The following LRP1B variants were observed in gnomAD, a reference collection of about 807,000 sequenced individuals.
LRP1B encodes LDL receptor related protein 1B.
A neutral mutation model predicts 556.6 loss-of-function variants in LRP1B; 217 were observed. The observed-to-expected ratio is 0.39, with a 90% CI of 0.35 to 0.44. The LOEUF (loss-of-function observed/expected upper bound fraction) is 0.44. LRP1B is among the 20% of genes least tolerant of loss of function. The pLI is 1.00. For synonymous variants in LRP1B, 2,047 were observed against 1,865.8 expected (o/e 1.10, Z -2.50); for missense variants, 5,053 against 5,620.8 (o/e 0.90, Z 3.23).
chr2:140,761,219 T>C (rs1229875699), intron 35 of LRP1B, among the ~76,000 whole-genome samples: 1 of 152,206 alleles, frequency 6.6e-6, no homozygotes, highest in East Asian at 1.9e-4. Context: ...CATTATCACA[T>C]AGTTTAAGCC....
At chr2:140,563,190 C>CCACACACACAAA (rs1382451090) in intron 43 of LRP1B, among the ~76,000 whole-genome samples, 10 of 150,030 alleles carry the variant, frequency 6.7e-5, no homozygotes, top group African/African-American at 2.5e-4. Flanking sequence ...ACACACACAC[C>CCACACACACAAA]CACACACACA....
intron 6 of LRP1B, among the ~76,000 whole-genome samples, chr2:141,209,441 A>T (rs1682448178): frequency 1.3e-5 from 2 of 152,178 alleles, no homozygotes; most frequent in Admixed American, 6.5e-5. Flanking sequence ...GCTGTGAGTC[A>T]ATTAAATCTC....
At chr2:141,314,555 G>T in intron 3 of LRP1B, among the ~76,000 whole-genome samples, 1 of 151,922 alleles carries the variant, frequency 6.6e-6, no homozygotes, top group East Asian at 1.9e-4. Flanking sequence ...ACTCTGGGAG[G>T]TGGAGGTGGG....
chr2:140,533,953 G>A (rs1690832288), intron 47 of LRP1B, 68 bp downstream of exon 47: 6 of 1,569,520 alleles, frequency 3.8e-6, no homozygotes, highest in Non-Finnish European at 5.2e-6. Context: ...TCTCAGAAAC[G>A]AATGTTGGAA....
intron 3 of LRP1B, among the ~76,000 whole-genome samples, chr2:141,309,814 C>T (rs2714169): frequency 0.053 from 8,062 of 151,920 alleles, 230 homozygotes; most frequent in South Asian, 0.1. Context: ...GCACGTTCTG[C>T]ACATGGATCC....
chr2:141,325,831 A>C (rs1032541024), intron 3 of LRP1B, among the ~76,000 whole-genome samples: 1 of 152,120 alleles, frequency 6.6e-6, no homozygotes, highest in African/African-American at 2.4e-5. Flanking sequence ...AAAGTTGGAA[A>C]GCAGCAAAGA....
intron 37 of LRP1B, among the ~76,000 whole-genome samples, chr2:140,711,255 TCTC>T (rs1184506997): frequency 6.6e-6 from 1 of 152,032 alleles, no homozygotes; most frequent in Non-Finnish European, 1.5e-5. Context: ...TTTTTCATCT[TCTC>T]CTTCCACTGC....
chr2:140,717,242 CT>C (rs1019433378), intron 35 of LRP1B, among the ~76,000 whole-genome samples: 1 of 151,966 alleles, frequency 6.6e-6, no homozygotes, highest in African/African-American at 2.4e-5. Flanking sequence ...GGAAAATCAA[CT>C]CAACAAAACC....
intron 7 of LRP1B, among the ~76,000 whole-genome samples, chr2:141,133,179 G>A (rs2105032240): frequency 6.6e-6 from 1 of 151,736 alleles, no homozygotes; most frequent in Admixed American, 6.6e-5. Context: ...AAAAGCTCGA[G>A]ACAGAAAAAC....
intron 3 of LRP1B, among the ~76,000 whole-genome samples, chr2:141,479,357 T>G (rs1023839828): frequency 6.6e-6 from 1 of 152,196 alleles, no homozygotes; most frequent in Non-Finnish European, 1.5e-5. Flanking sequence ...CTTTGAGCAC[T>G]TTAAACGTAT....
At chr2:141,414,445 T>C (rs753862437) in intron 3 of LRP1B, among the ~76,000 whole-genome samples, 2 of 151,770 alleles carry the variant, frequency 1.3e-5, no homozygotes, top group Non-Finnish European at 2.9e-5. Context: ...ACTGTGATCT[T>C]ACAAAAGAAG....
intron 66 of LRP1B, among the ~76,000 whole-genome samples, chr2:140,426,340 A>G (rs1018111671): frequency 3.3e-5 from 5 of 152,236 alleles, no homozygotes; most frequent in African/African-American, 1.2e-4. Flanking sequence ...TTTTGCTTAT[A>G]TTGTATGCAG....
intron 7 of LRP1B, among the ~76,000 whole-genome samples, chr2:141,096,618 C>CGG (rs1491479834): frequency 1.4e-5 from 1 of 71,716 alleles, no homozygotes; most frequent in Admixed American, 2.1e-4. Context: ...ATGACAAAGA[C>CGG]GGGGAGAGGG....
intron 2 of LRP1B, among the ~76,000 whole-genome samples, chr2:141,780,483 T>C (rs1325469248): frequency 1.3e-5 from 2 of 152,188 alleles, no homozygotes; most frequent in African/African-American, 4.8e-5. Flanking sequence ...TCCTGATAAA[T>C]GCTTATCAAC....
chr2:140,299,976 AAGAAGT>A, intron 83 of LRP1B, among the ~76,000 whole-genome samples: 1 of 152,222 alleles, frequency 6.6e-6, no homozygotes, highest in Non-Finnish European at 1.5e-5. Flanking sequence ...GGGTTGGAAA[AAGAAGT>A]AAAATGATAC....
At chr2:140,473,556 T>TTAA (rs1687851601) in intron 60 of LRP1B, among the ~76,000 whole-genome samples, 1 of 151,922 alleles carries the variant, frequency 6.6e-6, no homozygotes, top group Admixed American at 6.6e-5. Context: ...ACATGATTTT[T>TTAA]TAATAATAAG....
At chr2:141,651,930 CAT>C (rs947774803) in intron 2 of LRP1B, among the ~76,000 whole-genome samples, 1 of 152,046 alleles carries the variant, frequency 6.6e-6, no homozygotes, top group African/African-American at 2.4e-5. Flanking sequence ...AATATTTTTA[CAT>C]GTTTTAAGAT....
At position 140,662,856 on chromosome 2, in the gene LRP1B, A is replaced by G. The variant is rs183210372; in HGVS notation, c.6799+37394T>C. 5.3e-5 allele frequency among the ~76,000 whole-genome samples: 8 copies of G among 152,280 alleles called. No individual in the cohort carries two copies. In the East Asian group the frequency reaches 1.5e-3, roughly 29 times the overall value. ...TACACATATAAAGAGGAAATTGCCA[A>G]TGGTAATCATTTTAGTGAGGCGCCT... On this transcript the variant is annotated intron_variant, in intron 41 of 90. Coordinates refer to ENST00000389484, the MANE Select transcript of LRP1B (RefSeq NM_018557.3).
intron 3 of LRP1B, among the ~76,000 whole-genome samples, chr2:141,272,067 C>A (rs891779288): frequency 2.8e-4 from 42 of 152,068 alleles, no homozygotes; most frequent in African/African-American, 9.9e-4. Flanking sequence ...TCTTTCCTAA[C>A]CTGTCTTCTC....
Sources: gnomAD v4.1 joint callset for allele counts (sites outside exome capture counted in the v4.1 genomes callset) on GRCh38, gnomAD v4.1.1 for gene constraint, MANE v1.5 for transcripts, NCBI Gene and HGNC (gene_info 2026-07-23, HGNC 2026-07-21) for gene names.